The following IGFN1 variants were observed in gnomAD, a reference collection of about 807,000 sequenced individuals.
IGFN1 encodes the protein immunoglobulin-like and fibronectin type III domain-containing protein 1.
In IGFN1, 253 loss-of-function variants were observed where a neutral mutation model predicts 289.5. The observed-to-expected ratio is 0.87, with a 90% CI of 0.79 to 0.97. The LOEUF (loss-of-function observed/expected upper bound fraction) is 0.97, where lower values mean the gene tolerates loss of function less well. Among genes scored for constraint, IGFN1 ranks in the 50% least tolerant of loss-of-function variants. The pLI is 0.00. For synonymous variants in IGFN1, 1,706 were observed against 1,788.5 expected, an observed-to-expected ratio of 0.95 and a Z score of 1.16; for missense variants, 4,470 against 4,686.1, an observed-to-expected ratio of 0.95 and a Z score of 1.35.
In IGFN1 at chr1:201,197,264, C is replaced by A. The variant is rs767502662; in HGVS notation, c.314C>A (p.Ala105Glu). The A allele has an allele frequency of 3.9e-6, 6 of 1,551,618 alleles. No individual in the cohort carries two copies. The highest frequency in any genetic ancestry group is 4.4e-6 in the Non-Finnish European group (5 of 1,146,910). Residue 105 changes from alanine (A) to glutamate (E), a missense_variant, in exon 5 of 24, where the codon GCA becomes GAA. By Grantham distance (107) the Ala-to-Glu change is moderately radical. This residue lies in a region of IGFN1 where 2,011 missense variants were observed against 1,953.4 expected (regional missense o/e 1.03). Coordinates refer to ENST00000335211, the MANE Select transcript of IGFN1 (RefSeq NM_001164586.2). ...GACACGGATCTGTACCGCTGCACAGCAGTAAATGCGTACGGAGAGGCCGCT... is the reference window on the plus strand; with the variant it reads ...GACACGGATCTGTACCGCTGCACAGAAGTAAATGCGTACGGAGAGGCCGCT... ...GEDTDLYRCT[A>E]VNAYGEAACS...
chr1:201,195,969 C>A lies in IGFN1; in HGVS notation c.258C>A (p.His86Gln), dbSNP rs753162038. The A allele has an allele frequency of 6.4e-7, 1 of 1,551,790 alleles. No homozygotes were observed. Among genetic ancestry groups the A allele is most frequent in the Non-Finnish European group, 8.7e-7 (1 of 1,146,988 alleles). The change falls in exon 4 of 24, where the codon CAC (histidine) becomes CAA (glutamine). Residue 86 changes from histidine (H) to glutamine (Q), a missense_variant. By Grantham distance (24) the His-to-Gln change is conservative (BLOSUM62 0). This residue lies in a region of IGFN1 where 2,011 missense variants were observed against 1,953.4 expected (regional missense o/e 1.03). Coordinates refer to ENST00000335211, the MANE Select transcript of IGFN1 (RefSeq NM_001164586.2). ...CCTCCAGCCCTGGCAGCAAGGAGCA[C>A]GTGCTGCAGGTAAGAACCGTAGCTC... ...KISSSPGSKE[H>Q]VLQINKLTGE...
At chr1:201,196,687 C>T (rs1377197812) in intron 4 of IGFN1, among the ~76,000 whole-genome samples, 1 of 152,168 alleles carries the variant, frequency 6.6e-6, no homozygotes, top group African/African-American at 2.4e-5. Context: ...AAGTGTCTAG[C>T]TAGTGCCTGG....
rs549528700 is a variant in IGFN1 at position 201,207,609 on chromosome 1, G to A, written c.2716G>A (p.Gly906Arg). ...TGCTCAGGGATCTGGGGGGACACTA[G>A]GAGATAAGAAAGGATTAAGAGGTCC... ...LGAQGSGGTL[G>R]DKKGLRGPGS... Residue 906 changes from glycine (G) to arginine (R), a missense_variant, in exon 12 of 24, where the codon GGA becomes AGA. Physicochemically the swap from Gly to Arg is moderately radical, Grantham distance 125. Transcript: ENST00000335211. 6.5e-7 allele frequency: 1 copy of A among 1,537,094 alleles called. No individual in the cohort carries two copies. The highest frequency in any genetic ancestry group is 1.4e-5 in the African/African-American group (1 of 73,142).
At chr1:201,214,089 T>C (rs1198096507) in intron 12 of IGFN1, 88 bp from the exon 13 acceptor site, 8 of 1,371,244 alleles carry the variant, frequency 5.8e-6, no homozygotes, top group Admixed American at 2.6e-5. Flanking sequence ...CCAAGCCCAG[T>C]TGGCAGGACC....
chr1:201,199,372 C>T lies in IGFN1; in HGVS notation c.406C>T (p.Gln136Ter). 6.4e-7 allele frequency: 1 copy of T among 1,551,962 alleles called. No homozygotes were observed. The highest frequency in any genetic ancestry group is 2.4e-5 in the East Asian group (1 of 40,910). Residue 136 changes from glutamine (Q) to a stop codon, truncating the protein, a stop_gained, in exon 6 of 24, where the codon CAG becomes TAG. Transcript: ENST00000335211. LOFTEE classifies it high-confidence loss of function. ...GAATCGGAAGAGGCACAGGGAACCG[C>T]AGGAAGGTAGGCAGATTTGTCAGAA... ...RKNRKRHREPQEDLRKELMDF... is the reference protein window; with the variant it reads ...RKNRKRHREP
intron 16 of IGFN1, among the ~76,000 whole-genome samples, chr1:201,217,051 AG>A (rs1349607694): frequency 6.6e-6 from 1 of 152,122 alleles, no homozygotes; most frequent in African/African-American, 2.4e-5. Context: ...CTGGAGGCTG[AG>A]GGGTCTCAGG....
chr1:201,218,481 C>A (rs1653475720), intron 17 of IGFN1, 49 bp from the exon 18 acceptor site: 2 of 1,581,674 alleles, frequency 1.3e-6, no homozygotes, highest in African/African-American at 1.3e-5. Flanking sequence ...GCTATCTCCC[C>A]ATGTCCAGCA....
chr1:201,212,299 G>T lies in IGFN1; in HGVS notation c.7406G>T (p.Gly2469Val). 2.6e-6 allele frequency: 4 copies of T among 1,536,540 alleles called. No homozygotes were observed. Among genetic ancestry groups the T allele is most frequent in the African/African-American group, 2.7e-5 (2 of 73,116 alleles). ...CGAGGCTCCACCAAAGATCTTGGGG[G>T]CTATGGAACTTCAGGGATCCCTGAG... ...DERGSTKDLG[G>V]YGTSGIPEAS... The change falls in exon 12 of 24, where the codon GGC becomes GTC. Residue 2469 changes from glycine to valine, a missense_variant. Coordinates refer to ENST00000335211, the MANE Select transcript of IGFN1 (RefSeq NM_001164586.2).
rs1041530596 is a variant in IGFN1, at chr1:201,206,436, G to A, written c.1543G>A (p.Ala515Thr). The part of the protein sequence containing the change: ...ENQSHREGGW[A>T]RSLAERPHLQ... ...TCAATCCCACAGAGAGGGAGGCTGG[G>A]CCAGAAGCCTTGCAGAGAGGCCCCA... The change falls in exon 12 of 24, where the codon GCC (alanine) becomes ACC (threonine). Residue 515 changes from alanine (A) to threonine (T), a missense_variant. This residue lies in a region of IGFN1 where 2,011 missense variants were observed against 1,953.4 expected (regional missense o/e 1.03). Coordinates refer to ENST00000335211, the MANE Select transcript of IGFN1 (RefSeq NM_001164586.2). 2.6e-5 allele frequency: 41 copies of A among 1,551,078 alleles called. No homozygotes were observed. The highest frequency in any genetic ancestry group is 2.7e-5 in the Non-Finnish European group (31 of 1,146,992).
rs371391193 is a variant in IGFN1 at position 201,217,362 on chromosome 1, C to T, written c.9671C>T (p.Pro3224Leu). The part of the protein sequence containing the change: ...SQGITLTWTA[P>L]RGPGSAHILG... ...GGCATCACACTGACATGGACAGCACCTCGGGGCCCCGGCAGCGCCCACATC... is the reference window on the plus strand; with the variant it reads ...GGCATCACACTGACATGGACAGCACTTCGGGGCCCCGGCAGCGCCCACATC... The change falls in exon 17 of 24, where the codon CCT becomes CTT. Residue 3224 changes from proline (P) to leucine (L), a missense_variant. Pro to Leu is a moderately conservative substitution (Grantham distance 98). Transcript: ENST00000335211. The T allele has an allele frequency of 2.8e-5, 45 of 1,614,060 alleles. No homozygotes were observed. Among genetic ancestry groups the T allele is most frequent in the Non-Finnish European group, 3.6e-5 (43 of 1,180,028 alleles).
rs562525478 is a variant in IGFN1 at position 201,195,482 on chromosome 1, T to A, written c.128-357T>A. 5.3e-5 allele frequency among the ~76,000 whole-genome samples: 8 copies of A among 152,262 alleles called. No homozygotes were observed. In the South Asian group the frequency reaches 1.5e-3, roughly 28 times the overall value. On this transcript the variant is annotated intron_variant, in intron 3 of 23. Coordinates refer to ENST00000335211, the MANE Select transcript of IGFN1 (RefSeq NM_001164586.2). ...TCACAAAATCTCATTCCCTTCCTAG[T>A]CTTGGCAGAGCCTTCAGACTCCTTG... is the stretch of plus-strand genomic sequence containing the variant.
intron 20 of IGFN1, 192 bp downstream of exon 20, chr1:201,223,019 A>G (rs1324389198): frequency 7.0e-6 from 3 of 428,058 alleles, no homozygotes; most frequent in Non-Finnish European, 1.3e-5. Flanking sequence ...CCTTGAAGGT[A>G]CTGCCCTCAC....
Position 201,200,185 on chromosome 1 carries a change from A to G in IGFN1, c.459-52A>G, listed in dbSNP as rs1375371839. On this transcript the variant is annotated intron_variant, in intron 7 of 23. Transcript: ENST00000335211. The stretch of plus-strand genomic sequence containing the variant: ...TTGGGACACCAGAGCCAGGTGGCCA[A>G]CAGAGGAGCAGGGATTCCTCTGGCC... The G allele has an allele frequency of 4.7e-6, 7 of 1,477,116 alleles. No individual in the cohort carries two copies. The East Asian group carries it at 9.9e-5, about 21-fold the overall frequency. 91.5% of individuals were successfully genotyped at this position (1,477,116 alleles called of 1,614,324 possible). A position where few individuals can be genotyped will look rare whatever the true frequency, so the allele number is the denominator to read the frequency against.
chr1:201,227,975 G>A (rs1654224480), intron 23 of IGFN1, among the ~76,000 whole-genome samples: 1 of 152,110 alleles, frequency 6.6e-6, no homozygotes, highest in African/African-American at 2.4e-5. Flanking sequence ...TGTTAATAAA[G>A]GTTTTTCCTT....
intron 19 of IGFN1, 101 bp from the exon 20 acceptor site, chr1:201,222,638 C>A: frequency 1.4e-6 from 1 of 705,590 alleles, no homozygotes; most frequent in Non-Finnish European, 2.5e-6. Context: ...ATCAATCCGA[C>A]TGGCCCAGTC....
chr1:201,223,754 C>G (rs1405039813), intron 20 of IGFN1, among the ~76,000 whole-genome samples: 3 of 152,146 alleles, frequency 2.0e-5, no homozygotes, highest in Non-Finnish European at 2.9e-5. Context: ...CCTCAAAGGT[C>G]TGAGGGTTCA....
chr1:201,216,736 T>C lies in IGFN1; in HGVS notation c.9578T>C (p.Ile3193Thr). 3 of 1,606,626 alleles carry C rather than the reference T, an allele frequency of 1.9e-6. No individual in the cohort carries two copies. The highest frequency in any genetic ancestry group is 2.6e-6 in the Non-Finnish European group (3 of 1,175,808). Residue 3193 changes from isoleucine (I) to threonine (T), a missense_variant, in exon 16 of 24, where the codon ATA becomes ACA. Around this residue, in one of 8 missense-constraint regions of IGFN1, gnomAD observed 2,218 missense variants for 2,114.1 expected, o/e 1.05. Transcript: ENST00000335211. ...GGCGAGGCCCTGGAGTCTGAGGAGA[T>C]ATTGGTGGCTCCTGAGGGTGAGAGA... The part of the protein sequence containing the change: ...GAGEALESEE[I>T]LVAPEALPKA...
At chr1:201,199,745 C>T in intron 7 of IGFN1, 91 bp downstream of exon 7, 1 of 1,132,062 alleles carries the variant, frequency 8.8e-7, no homozygotes, top group Admixed American at 2.2e-5. Flanking sequence ...TTGAGCCCCA[C>T]CTCTACCCAA....
chr1:201,205,566 T>G (rs977773878), intron 11 of IGFN1, among the ~76,000 whole-genome samples: 1 of 152,164 alleles, frequency 6.6e-6, no homozygotes, highest in Admixed American at 6.5e-5. Flanking sequence ...GGAATTACTT[T>G]GGGGCACAGA....
Sources: allele counts gnomAD v4.1 joint callset (sites outside exome capture counted in the v4.1 genomes callset), GRCh38; gene constraint gnomAD v4.1.1; regional missense constraint gnomAD v4.1.1; transcripts MANE v1.5; gene names NCBI Gene and HGNC (gene_info 2026-07-23, HGNC 2026-07-21).